CYB5D2: variants seen among roughly 807,000 people sequenced by gnomAD.
CYB5D2 encodes the protein neuferricin.
Under a neutral mutation model 22.8 loss-of-function variants are expected in CYB5D2, and 23 were observed. The ratio of observed to expected loss-of-function variants is 1.01; its 90% CI spans 0.73 to 1.43. CYB5D2 has a LOEUF of 1.43. CYB5D2 is among the 40% of genes most tolerant of loss of function. CYB5D2 has a pLI of 0.00. For synonymous variants in CYB5D2, 170 were observed against 152.2 expected, an observed-to-expected ratio of 1.12 and a Z score of -0.86; for missense variants, 373 against 357.2, an observed-to-expected ratio of 1.04 and a Z score of -0.36.
At chr17:4,149,798 C>CAAA in intron 1 of CYB5D2, 93 bp from the exon 2 acceptor site, 14 of 1,338,548 alleles carry the variant, frequency 1.0e-5, no homozygotes, top group Non-Finnish European at 1.4e-5. Flanking sequence ...GACTCCGTCT[C>CAAA]AAAAAAAAAA....
At chr17:4,146,542 C>T (rs2058993754) in intron 1 of CYB5D2, among the ~76,000 whole-genome samples, 1 of 152,120 alleles carries the variant, frequency 6.6e-6, no homozygotes, top group Non-Finnish European at 1.5e-5. Context: ...AGGCGTCCAC[C>T]ACCACACCTG....
rs185923733 is a variant in CYB5D2 at position 4,148,378 on chromosome 17, G to A, written c.251-1513G>A. On this transcript the variant is annotated intron_variant, in intron 1 of 3. Coordinates refer to ENST00000301391, the MANE Select transcript of CYB5D2 (RefSeq NM_144611.4). ...CTAAAAATACAAAAATTAGCTGGAC[G>A]TGGTGGCGGGCACCTGTAGTCCCAG... is the stretch of plus-strand genomic sequence containing the variant. Among the ~76,000 whole-genome samples the A allele has an allele frequency of 2.2e-4, 33 of 152,104 alleles. No homozygotes were observed. The East Asian group carries it at 2.9e-3, about 13-fold the overall frequency.
intron 1 of CYB5D2, among the ~76,000 whole-genome samples, chr17:4,147,403 C>A (rs2059004129): frequency 6.6e-6 from 1 of 152,160 alleles, no homozygotes; most frequent in South Asian, 2.1e-4. Flanking sequence ...ATAAAACTTA[C>A]TAGTAGAAAA....
Position 4,156,986 on chromosome 17 carries a change from C to A in CYB5D2, c.699C>A (p.Asn233Lys), listed in dbSNP as rs983745674. Residue 233 changes from asparagine to lysine, a missense_variant, in exon 4 of 4, where the codon AAC becomes AAA. Asn to Lys is a moderately conservative substitution (Grantham distance 94). Coordinates refer to ENST00000301391, the MANE Select transcript of CYB5D2 (RefSeq NM_144611.4). ...TGPPSGQMPD[N>K]PPHRNRGDLD... ...CCCCTAGTGGCCAGATGCCGGACAA[C>A]CCTCCACACAGAAATCGTGGGGACC... 13 of 1,612,766 alleles carry A rather than the reference C, an allele frequency of 8.1e-6. No homozygotes were observed. Among genetic ancestry groups the A allele is most frequent in the Non-Finnish European group, 1.1e-5 (13 of 1,180,022 alleles).
chr17:4,149,143 G>A (rs192663301), intron 1 of CYB5D2, among the ~76,000 whole-genome samples: 3 of 152,244 alleles, frequency 2.0e-5, no homozygotes, highest in East Asian at 1.9e-4. Flanking sequence ...TCTGTAAGAC[G>A]TCTAAGTGTT....
intron 1 of CYB5D2, among the ~76,000 whole-genome samples, chr17:4,144,636 C>T (rs1030524966): frequency 2.0e-5 from 3 of 152,108 alleles, no homozygotes; most frequent in African/African-American, 7.2e-5. Flanking sequence ...GATACGTAGA[C>T]CAAAGTTGTG....
chr17:4,145,302 A>G lies in CYB5D2; in HGVS notation c.250+1297A>G, dbSNP rs568120668. 1.7e-3 allele frequency among the ~76,000 whole-genome samples: 252 copies of G among 152,344 alleles called. 1 individual carries two copies. Among genetic ancestry groups the G allele is most frequent in the African/African-American group, 5.7e-3 (239 of 41,580 alleles). The stretch of plus-strand genomic sequence containing the variant: ...CCTCTGTCTAGGAAGTACTAAAGAA[A>G]TACAAAAGTTGACAGAAAAGGAATG... On this transcript the variant is annotated intron_variant, in intron 1 of 3. Transcript: ENST00000301391.
intron 3 of CYB5D2, among the ~76,000 whole-genome samples, chr17:4,155,531 G>T (rs951383725): frequency 6.6e-6 from 1 of 152,208 alleles, no homozygotes; most frequent in African/African-American, 2.4e-5. Context: ...AGGAAGGAAA[G>T]CTCCTTCTTT....
At chr17:4,155,114 T>A (rs997871700) in intron 3 of CYB5D2, among the ~76,000 whole-genome samples, 1 of 152,110 alleles carries the variant, frequency 6.6e-6, no homozygotes, top group Non-Finnish European at 1.5e-5. Flanking sequence ...ATCTTTTTAT[T>A]TTTTCCGAAT....
chr17:4,145,952 T>C (rs1412981002), intron 1 of CYB5D2, among the ~76,000 whole-genome samples: 1 of 151,990 alleles, frequency 6.6e-6, no homozygotes, highest in Non-Finnish European at 1.5e-5. Flanking sequence ...GTGTGCACCA[T>C]CACGTGCAGC....
At chr17:4,145,015 T>C (rs572999725) in intron 1 of CYB5D2, among the ~76,000 whole-genome samples, 1 of 152,086 alleles carries the variant, frequency 6.6e-6, no homozygotes, top group Non-Finnish European at 1.5e-5. Context: ...CTCGATCTCC[T>C]GACCTTATGA....
chr17:4,144,060 C>G, intron 1 of CYB5D2, 55 bp downstream of exon 1: 1 of 1,527,750 alleles, frequency 6.5e-7, no homozygotes, highest in Admixed American at 2.1e-5. Flanking sequence ...CAGTAGCCAC[C>G]TGCGCGTCGT....
At position 4,155,738 on chromosome 17, in the gene CYB5D2, G is replaced by T. The variant is rs192310980; in HGVS notation, c.578+878G>T. Reference sequence around the variant, plus strand: ...AGGAGGAGGAGACTCCAGGAGGCCTGCGTGCGTTCAGATGCTTGACTTTGC... The same window carrying T: ...AGGAGGAGGAGACTCCAGGAGGCCTTCGTGCGTTCAGATGCTTGACTTTGC... On this transcript the variant is annotated intron_variant, in intron 3 of 3. Transcript: ENST00000301391. Among the ~76,000 whole-genome samples, 11 of 152,320 alleles carry T rather than the reference G, an allele frequency of 7.2e-5. No individual in the cohort carries two copies. The East Asian group carries it at 2.1e-3, about 29-fold the overall frequency.
At chr17:4,148,951 CT>C (rs10541299) in intron 1 of CYB5D2, among the ~76,000 whole-genome samples, 100,973 of 146,210 alleles carry the variant, frequency 0.69, 35,732 homozygotes, top group East Asian at 0.91. Flanking sequence ...TCAATGTGGA[CT>C]TTTTTTTTTT....
chr17:4,149,559 C>T (rs1484437808), intron 1 of CYB5D2, among the ~76,000 whole-genome samples: 1 of 151,974 alleles, frequency 6.6e-6, no homozygotes, highest in African/African-American at 2.4e-5. Flanking sequence ...AATCCCAGCA[C>T]TTTGGGAGGC....
chr17:4,150,464 C>T (rs1010256893), intron 2 of CYB5D2, among the ~76,000 whole-genome samples: 3 of 152,158 alleles, frequency 2.0e-5, no homozygotes, highest in African/African-American at 7.2e-5. Context: ...GAGCTGTCTC[C>T]CAGGTGGTAG....
chr17:4,144,101 C>A (rs1040462526), intron 1 of CYB5D2, 96 bp downstream of exon 1: 16 of 1,462,562 alleles, frequency 1.1e-5, no homozygotes, highest in South Asian at 1.4e-5. Context: ...TATTTCCCCC[C>A]CCATCCCCAC....
chr17:4,153,363 C>A (rs1261303059), intron 2 of CYB5D2, among the ~76,000 whole-genome samples: 1 of 151,448 alleles, frequency 6.6e-6, no homozygotes, highest in Non-Finnish European at 1.5e-5. Flanking sequence ...AGCCAAGACA[C>A]AGAAAGGAAG....
chr17:4,156,977 G>A lies in CYB5D2; in HGVS notation c.690G>A (p.Met230Ile), dbSNP rs959151593. 1.9e-6 allele frequency: 3 copies of A among 1,612,760 alleles called. No individual in the cohort carries two copies. The highest frequency in any genetic ancestry group is 2.5e-6 in the Non-Finnish European group (3 of 1,180,032). ...VRTTGPPSGQ[M>I]PDNPPHRNRG... ...CCACCGGCCCCCCTAGTGGCCAGAT[G>A]CCGGACAACCCTCCACACAGAAATC... The change falls in exon 4 of 4, where the codon ATG becomes ATA. Residue 230 changes from methionine to isoleucine, a missense_variant. By Grantham distance (10) the Met-to-Ile change is conservative. Transcript: ENST00000301391.
Sources: allele counts gnomAD v4.1 joint callset (sites outside exome capture counted in the v4.1 genomes callset), GRCh38; gene constraint gnomAD v4.1.1; transcripts MANE v1.5; gene names NCBI Gene and HGNC (gene_info 2026-07-23, HGNC 2026-07-21).